JMY: variants seen among roughly 807,000 people sequenced by gnomAD.
The protein encoded by JMY is junction mediating and regulatory protein, p53 cofactor.
JMY carries 46 observed loss-of-function variants against 103.3 expected under a neutral mutation model. The observed-to-expected ratio is 0.45, with a 90% CI of 0.35 to 0.57. The LOEUF (loss-of-function observed/expected upper bound fraction) is 0.57, where lower values mean the gene tolerates loss of function less well. JMY is among the 20% of genes least tolerant of loss of function. JMY has a pLI of 0.00. For missense variants in JMY, 1,238 were observed against 1,255.2 expected, an observed-to-expected ratio of 0.99 and a Z score of 0.21; for synonymous variants, 526 against 489.3, an observed-to-expected ratio of 1.07 and a Z score of -0.99.
chr5:79,314,459 T>C lies in JMY; in HGVS notation c.2267T>C (p.Val756Ala), dbSNP rs1270865554. 6.2e-7 allele frequency: 1 copy of C among 1,614,112 alleles called. No individual in the cohort carries two copies. The highest frequency in any genetic ancestry group is 1.1e-5 in the South Asian group (1 of 91,068). ...PSQTTEPQSL[V>A]QLEDTSLTQL... Reference sequence around the variant, plus strand: ...CAGACAACAGAACCCCAGAGCCTTGTGCAACTTGAAGATACTTCATTAACA... The same window carrying C: ...CAGACAACAGAACCCCAGAGCCTTGCGCAACTTGAAGATACTTCATTAACA... Residue 756 changes from valine to alanine, a missense_variant, in exon 9 of 11, where the codon GTG (valine) becomes GCG (alanine). Coordinates refer to ENST00000396137, the MANE Select transcript of JMY (RefSeq NM_152405.5).
Position 79,236,977 on chromosome 5 carries a change from C to T in JMY, c.327C>T (p.Ala109=). 1 of 1,458,260 alleles carries T rather than the reference C, an allele frequency of 6.9e-7. No homozygotes were observed. The highest frequency in any genetic ancestry group is 9.0e-7 in the Non-Finnish European group (1 of 1,107,526). 90.3% of individuals were successfully genotyped at this position (1,458,260 alleles called of 1,614,324 possible). ...VRSPGPRRSS[A]WAEGGSPRST... ...GCCCCGGGCCCCGGCGGAGCTCGGC[C>T]TGGGCGGAGGGCGGCTCTCCTCGGA... The change falls in exon 1 of 11, where the codon GCC becomes GCT. Residue 109 remains alanine (A), a synonymous_variant. Coordinates refer to ENST00000396137, the MANE Select transcript of JMY (RefSeq NM_152405.5).
chr5:79,243,347 T>C (rs576953894), intron 1 of JMY, among the ~76,000 whole-genome samples: 1 of 152,312 alleles, frequency 6.6e-6, no homozygotes, highest in East Asian at 1.9e-4. Context: ...GACAGTACTT[T>C]AGGAGTCTTG....
In JMY at chr5:79,236,962, C is replaced by T; in HGVS notation, c.312C>T (p.Pro104=). 1 of 1,450,898 alleles carries T rather than the reference C, an allele frequency of 6.9e-7. No homozygotes were observed. Among genetic ancestry groups the T allele is most frequent in the Non-Finnish European group, 9.1e-7 (1 of 1,104,180 alleles). The allele number at this position is 1,450,898 out of a possible 1,614,324, so 89.9% of individuals were successfully genotyped here. A position where few individuals can be genotyped will look rare whatever the true frequency, so the allele number is the denominator to read the frequency against. Residue 104 remains proline, a synonymous_variant, in exon 1 of 11, where the codon CCC becomes CCT. Coordinates refer to ENST00000396137, the MANE Select transcript of JMY (RefSeq NM_152405.5). ...CAACTCTGGTTAGGAGCCCCGGGCC[C>T]CGGCGGAGCTCGGCCTGGGCGGAGG... ...ASATLVRSPG[P]RRSSAWAEGG...
intron 1 of JMY, among the ~76,000 whole-genome samples, chr5:79,241,936 G>A (rs1026719063): frequency 2.6e-5 from 4 of 152,098 alleles, no homozygotes; most frequent in Admixed American, 1.3e-4. Flanking sequence ...GTGTATGTGC[G>A]TTGGTGGCCC....
In JMY at chr5:79,255,128, C is replaced by CTTTTTTTTTTTTTTTTTT. The variant is rs71615518; in HGVS notation, c.1032+17454_1032+17455insTTTTTTTTTTTTTTTTTT. Among the ~76,000 whole-genome samples the CTTTTTTTTTTTTTTTTTT allele has an allele frequency of 2.9e-5, 4 of 139,806 alleles. 1 individual carries two copies. The highest frequency in any genetic ancestry group is 3.0e-5 in the Non-Finnish European group (2 of 66,422). The allele number at this position is 139,806 out of a possible 152,430, so 91.7% of individuals were successfully genotyped here. ...CTGAAAGGTCACATATCTCTCTCTC[C>CTTTTTTTTTTTTTTTTTT]TTTTTTTTGAGACAGGGTCTTGTAG... On this transcript the variant is annotated intron_variant, in intron 1 of 10. Coordinates refer to ENST00000396137, the MANE Select transcript of JMY (RefSeq NM_152405.5).
intron 3 of JMY, 149 bp downstream of exon 3, chr5:79,290,420 A>T (rs569136517): frequency 1.1e-4 from 43 of 388,584 alleles, no homozygotes; most frequent in Non-Finnish European, 1.7e-4. Flanking sequence ...ATTAAGGCAC[A>T]TCCTATCAGT....
At chr5:79,281,783 C>G (rs2112089240) in intron 2 of JMY, among the ~76,000 whole-genome samples, 1 of 152,262 alleles carries the variant, frequency 6.6e-6, no homozygotes, top group South Asian at 2.1e-4. Flanking sequence ...TGTCAAAACT[C>G]ATTGAGTTGA....
intron 6 of JMY, among the ~76,000 whole-genome samples, chr5:79,302,649 G>C (rs991685587): frequency 1.3e-5 from 2 of 152,204 alleles, no homozygotes; most frequent in African/African-American, 4.8e-5. Flanking sequence ...GCTGCAGGGC[G>C]GGGACCAAGT....
In JMY at chr5:79,236,569, G is replaced by A. The variant is rs981534305; in HGVS notation, c.-82G>A. Reference sequence around the variant, plus strand: ...CTGAAGGCGCCCGGCGAGGGTGAGCGGGGGGCGCGGCGCAGCCAGCGGGGA... The same window carrying A: ...CTGAAGGCGCCCGGCGAGGGTGAGCAGGGGGCGCGGCGCAGCCAGCGGGGA... On this transcript the variant is annotated 5_prime_UTR_variant, in exon 1 of 11. Coordinates refer to ENST00000396137, the MANE Select transcript of JMY (RefSeq NM_152405.5). 101 of 1,145,096 alleles carry A rather than the reference G, an allele frequency of 8.8e-5. No individual in the cohort carries two copies. The Middle Eastern group carries it at 1.5e-3, about 18-fold the overall frequency. 70.9% of individuals were successfully genotyped at this position (1,145,096 alleles called of 1,614,324 possible).
intron 4 of JMY, among the ~76,000 whole-genome samples, chr5:79,293,796 C>T (rs1045782996): frequency 1.3e-5 from 2 of 152,066 alleles, no homozygotes; most frequent in African/African-American, 4.8e-5. Context: ...TGAAAGAATC[C>T]TTTGTGAGTT....
intron 1 of JMY, among the ~76,000 whole-genome samples, chr5:79,264,105 G>T (rs1424743672): frequency 6.6e-6 from 1 of 151,462 alleles, no homozygotes; most frequent in African/African-American, 2.4e-5. Flanking sequence ...TTTTTTTAAA[G>T]ATAGGGTCTC....
At chr5:79,292,455 A>ACC (rs149048939) in intron 4 of JMY, among the ~76,000 whole-genome samples, 4 of 149,910 alleles carry the variant, frequency 2.7e-5, no homozygotes, top group African/African-American at 9.8e-5. Flanking sequence ...GCAGGCACGC[A>ACC]CCCCCCCCAA....
chr5:79,300,397 TTTG>T, intron 5 of JMY, 79 bp downstream of exon 5: 17 of 1,360,232 alleles, frequency 1.2e-5, no homozygotes, highest in Non-Finnish European at 1.7e-5. Flanking sequence ...GTATGTTTCT[TTTG>T]TTAAGACATT....
At position 79,283,242 on chromosome 5, in the gene JMY, G is replaced by C. The variant is rs553732494; in HGVS notation, c.1206+5159G>C. On this transcript the variant is annotated intron_variant, in intron 2 of 10. Transcript: ENST00000396137. ...GACCTCAGGTGATCCACCCGCCTCTGCCTCCCAAAGTGCTGGGATTACAGG... is the reference window on the plus strand; with the variant it reads ...GACCTCAGGTGATCCACCCGCCTCTCCCTCCCAAAGTGCTGGGATTACAGG... Among the ~76,000 whole-genome samples, 4 of 152,084 alleles carry C rather than the reference G, an allele frequency of 2.6e-5. No individual in the cohort carries two copies. The East Asian group carries it at 7.7e-4, about 29-fold the overall frequency.
At chr5:79,303,220 G>A (rs1182392143) in intron 6 of JMY, among the ~76,000 whole-genome samples, 2 of 152,120 alleles carry the variant, frequency 1.3e-5, no homozygotes, top group African/African-American at 2.4e-5. Context: ...TACTGAGCAG[G>A]TGATTTTTAA....
chr5:79,302,536 T>A (rs1020335286), intron 6 of JMY, among the ~76,000 whole-genome samples: 1 of 152,054 alleles, frequency 6.6e-6, no homozygotes, highest in African/African-American at 2.4e-5. Context: ...TTGGCCAGAT[T>A]GATGGTGTTG....
At position 79,326,690 on chromosome 5, in the gene JMY, A is replaced by G. The variant is rs893044335; in HGVS notation, c.*5088A>G. On this transcript the variant is annotated 3_prime_UTR_variant, in exon 11 of 11. Transcript: ENST00000396137. ...CATTAGGGCTAAGGAGACTGACATGATTTTTATCGGTTCTGGGTAAATGAA... is the reference window on the plus strand; with the variant it reads ...CATTAGGGCTAAGGAGACTGACATGGTTTTTATCGGTTCTGGGTAAATGAA... 2 of 152,194 alleles carry G rather than the reference A, an allele frequency of 1.3e-5. No individual in the cohort carries two copies. Among genetic ancestry groups the G allele is most frequent in the South Asian group, 2.1e-4 (1 of 4,834 alleles). 9.4% of individuals were successfully genotyped at this position (152,194 alleles called of 1,614,324 possible). A position where few individuals can be genotyped will look rare whatever the true frequency, so the allele number is the denominator to read the frequency against.
At chr5:79,259,635 A>G (rs1474192448) in intron 1 of JMY, among the ~76,000 whole-genome samples, 1 of 152,220 alleles carries the variant, frequency 6.6e-6, no homozygotes, top group East Asian at 1.9e-4. Flanking sequence ...ATTGGTGCCC[A>G]AAGTCCGCAG....
At position 79,314,381 on chromosome 5, in the gene JMY, TAGAAG is replaced by T. The variant is rs746861527; in HGVS notation, c.2194_2198del (p.Glu732AsnfsTer2). On this transcript the variant is annotated frameshift_variant, in exon 9 of 11. Transcript: ENST00000396137. LOFTEE classifies it high-confidence loss of function. ...GACTCTTTACCAAGTGTGTTACAGG[TAGAAG>T]AGAAAACTGAAGAGGTGGGAGAAGG... 1 of 1,614,048 alleles carries T rather than the reference TAGAAG, an allele frequency of 6.2e-7. No homozygotes were observed. The highest frequency in any genetic ancestry group is 8.5e-7 in the Non-Finnish European group (1 of 1,180,000).
Sources: gnomAD v4.1 joint callset for allele counts (sites outside exome capture counted in the v4.1 genomes callset) on GRCh38, gnomAD v4.1.1 for gene constraint, MANE v1.5 for transcripts, NCBI Gene and HGNC (gene_info 2026-07-23, HGNC 2026-07-21) for gene names.